Variants in UNC5C observed in about 807,000 individuals in gnomAD.
The protein encoded by UNC5C is netrin receptor UNC5C.
In UNC5C, 47 loss-of-function variants were observed where a neutral mutation model predicts 99.8. The observed-to-expected ratio is 0.47, with a 90% CI of 0.37 to 0.60. UNC5C has a LOEUF of 0.60. UNC5C is among the 20% of genes least tolerant of loss of function. The pLI is 0.00. For missense variants in UNC5C, 1,062 were observed against 1,165.9 expected, an observed-to-expected ratio of 0.91 and a Z score of 1.30; for synonymous variants, 487 against 452.2, an observed-to-expected ratio of 1.08 and a Z score of -0.98.
chr4:95,351,757 T>C (rs1471449244), intron 1 of UNC5C, among the ~76,000 whole-genome samples: 1 of 152,174 alleles, frequency 6.6e-6, no homozygotes, highest in Non-Finnish European at 1.5e-5. Context: ...ATGAGATGTG[T>C]AGAGCCTTGG....
intron 1 of UNC5C, among the ~76,000 whole-genome samples, chr4:95,478,003 A>T (rs1317317813): frequency 6.6e-6 from 1 of 151,348 alleles, no homozygotes; most frequent in Non-Finnish European, 1.5e-5. Context: ...CGAACAGTGC[A>T]TGGTGCATAA....
chr4:95,329,734 G>A (rs570854196), intron 2 of UNC5C, among the ~76,000 whole-genome samples: 2 of 152,154 alleles, frequency 1.3e-5, no homozygotes, highest in African/African-American at 4.8e-5. Flanking sequence ...TATAGCCACA[G>A]ATACTATAAC....
At chr4:95,391,469 A>C (rs1017292484) in intron 1 of UNC5C, among the ~76,000 whole-genome samples, 6 of 152,216 alleles carry the variant, frequency 3.9e-5, no homozygotes, top group Non-Finnish European at 7.3e-5. Flanking sequence ...TCTGACAATC[A>C]CAGAAATTAT....
At chr4:95,447,676 T>C (rs1747146644) in intron 1 of UNC5C, among the ~76,000 whole-genome samples, 1 of 152,068 alleles carries the variant, frequency 6.6e-6, no homozygotes, top group South Asian at 2.1e-4. Flanking sequence ...AACTTTTGTA[T>C]TTTTAGTAGA....
intron 1 of UNC5C, among the ~76,000 whole-genome samples, chr4:95,425,874 C>A (rs923470184): frequency 7.9e-5 from 12 of 151,836 alleles, no homozygotes; most frequent in Admixed American, 7.9e-4. Context: ...TTAATAATTT[C>A]TTCAGCTTCA....
At chr4:95,466,954 T>C (rs1010164283) in intron 1 of UNC5C, among the ~76,000 whole-genome samples, 1 of 152,154 alleles carries the variant, frequency 6.6e-6, no homozygotes, top group Non-Finnish European at 1.5e-5. Context: ...AAGGGTACTG[T>C]GGCTTCCTGC....
intron 1 of UNC5C, among the ~76,000 whole-genome samples, chr4:95,514,266 T>C (rs577710359): frequency 8.1e-4 from 124 of 152,342 alleles, no homozygotes; most frequent in African/African-American, 2.9e-3. Flanking sequence ...TATTTAAATG[T>C]CTATATTCAG....
intron 2 of UNC5C, among the ~76,000 whole-genome samples, chr4:95,305,951 A>G (rs764927581): frequency 6.6e-6 from 1 of 152,214 alleles, no homozygotes; most frequent in Non-Finnish European, 1.5e-5. Flanking sequence ...ATTTCATAAT[A>G]GTGGTAAGGC....
At chr4:95,198,178 G>A (rs1041104409) in intron 12 of UNC5C, among the ~76,000 whole-genome samples, 3 of 151,884 alleles carry the variant, frequency 2.0e-5, no homozygotes, top group Admixed American at 6.6e-5. Flanking sequence ...CAGTAGAGAC[G>A]GGGTTTCACC....
At chr4:95,245,207 A>C in intron 5 of UNC5C, 63 bp from the exon 6 acceptor site, 1 of 1,483,902 alleles carries the variant, frequency 6.7e-7, no homozygotes, top group Non-Finnish European at 9.0e-7. Context: ...ACACATGGAC[A>C]CACAAAACAG....
chr4:95,545,181 T>A (rs1723025311), intron 1 of UNC5C, among the ~76,000 whole-genome samples: 1 of 152,176 alleles, frequency 6.6e-6, no homozygotes, highest in African/African-American at 2.4e-5. Context: ...GAGGACCCTG[T>A]CTTATTTAAC....
chr4:95,458,564 C>T (rs892828661), intron 1 of UNC5C, among the ~76,000 whole-genome samples: 1 of 151,896 alleles, frequency 6.6e-6, no homozygotes, highest in Non-Finnish European at 1.5e-5. Context: ...CTTACCAGAG[C>T]TAATTGAAGA....
At chr4:95,320,403 C>CA in intron 2 of UNC5C, among the ~76,000 whole-genome samples, 1 of 85,062 alleles carries the variant, frequency 1.2e-5, no homozygotes, top group South Asian at 4.2e-4. Flanking sequence ...GCCTGGGTGA[C>CA]AAGAGAGAAA....
chr4:95,392,772 A>T (rs554978196), intron 1 of UNC5C, among the ~76,000 whole-genome samples: 2 of 152,292 alleles, frequency 1.3e-5, no homozygotes, highest in South Asian at 4.2e-4. Flanking sequence ...ATTCCACTAC[A>T]GAAATCTTAT....
intron 1 of UNC5C, among the ~76,000 whole-genome samples, chr4:95,445,982 C>CA (rs1037482452): frequency 4.0e-5 from 6 of 151,190 alleles, no homozygotes; most frequent in South Asian, 2.1e-4. Context: ...CAAAACAAAA[C>CA]AAACAAACAA....
chr4:95,471,291 A>G (rs1213697208), intron 1 of UNC5C, among the ~76,000 whole-genome samples: 2 of 152,156 alleles, frequency 1.3e-5, no homozygotes, highest in Admixed American at 6.6e-5. Flanking sequence ...ATAAGTTTTC[A>G]TGGATTATAT....
At chr4:95,333,244 T>C (rs1743194411) in intron 2 of UNC5C, among the ~76,000 whole-genome samples, 1 of 152,078 alleles carries the variant, frequency 6.6e-6, no homozygotes, top group Non-Finnish European at 1.5e-5. Flanking sequence ...GGACTATAAA[T>C]CATGCTGCTA....
At chr4:95,204,592 C>G (rs1469705409) in intron 11 of UNC5C, among the ~76,000 whole-genome samples, 1 of 152,226 alleles carries the variant, frequency 6.6e-6, no homozygotes, top group Non-Finnish European at 1.5e-5. Flanking sequence ...TTTTAATTAA[C>G]TCGAATTTAA....
Position 95,469,046 on chromosome 4 carries a change from T to A in UNC5C, c.124+79688A>T, listed in dbSNP as rs559637806. ...TTAACTGCTTTATAGATAAGGGCAG[T>A]TCCAGTCATAACCCTGACTGCATTT... On this transcript the variant is annotated intron_variant, in intron 1 of 15. Coordinates refer to ENST00000453304, the MANE Select transcript of UNC5C (RefSeq NM_003728.4). Among the ~76,000 whole-genome samples the A allele has an allele frequency of 2.0e-5, 3 of 152,240 alleles. No homozygotes were observed. In the South Asian group the frequency reaches 6.2e-4, roughly 32 times the overall value.
Sources: gnomAD v4.1 joint callset for allele counts (sites outside exome capture counted in the v4.1 genomes callset) on GRCh38, gnomAD v4.1.1 for gene constraint, MANE v1.5 for transcripts, NCBI Gene and HGNC (gene_info 2026-07-23, HGNC 2026-07-21) for gene names.